The following SYTL3 variants were observed in gnomAD, a reference collection of about 807,000 sequenced individuals.
SYTL3 encodes synaptotagmin-like protein 3.
SYTL3 carries 88 observed loss-of-function variants against 82.1 expected under a neutral mutation model. The ratio of observed to expected loss-of-function variants is 1.07; its 90% confidence interval spans 0.90 to 1.28. SYTL3 has a LOEUF of 1.28. Ranked by LOEUF, SYTL3 falls within the 50% of genes most tolerant of loss-of-function variation. The pLI is 0.00. For synonymous variants in SYTL3, 311 were observed against 289.4 expected (o/e 1.07, Z -0.76); for missense variants, 831 against 757.6 (o/e 1.10, Z -1.14).
intron 11 of SYTL3, among the ~76,000 whole-genome samples, chr6:158,743,296 C>T (rs1787171170): frequency 6.6e-6 from 1 of 152,224 alleles, no homozygotes; most frequent in Non-Finnish European, 1.5e-5. Flanking sequence ...ATGTGCTTCT[C>T]TTCAGCATCT....
At chr6:158,715,663 G>A (rs1356845027) in intron 9 of SYTL3, among the ~76,000 whole-genome samples, 9 of 5,726 alleles carry the variant, frequency 1.6e-3, no homozygotes, top group African/African-American at 5.4e-3. Context: ...CCCACCCCCT[G>A]CCCAGAGGCA....
At chr6:158,727,629 C>A (rs1398036395) in intron 11 of SYTL3, among the ~76,000 whole-genome samples, 1 of 151,780 alleles carries the variant, frequency 6.6e-6, no homozygotes, top group Admixed American at 6.6e-5. Context: ...CCCACCAGGC[C>A]TCGAGGCCAC....
chr6:158,712,461 C>G (rs1782860670), intron 8 of SYTL3, among the ~76,000 whole-genome samples: 1 of 152,176 alleles, frequency 6.6e-6, no homozygotes, highest in African/African-American at 2.4e-5. Flanking sequence ...CCTTGTCAAC[C>G]TGTACCCATA....
At chr6:158,737,207 G>A (rs1486165711) in intron 11 of SYTL3, among the ~76,000 whole-genome samples, 1 of 152,166 alleles carries the variant, frequency 6.6e-6, no homozygotes, top group Non-Finnish European at 1.5e-5. Flanking sequence ...ATGACCCTAT[G>A]AAATAGATCC....
chr6:158,715,616 C>CACACACACACACACACACAT (rs1491486346), intron 9 of SYTL3, among the ~76,000 whole-genome samples: 1 of 142,840 alleles, frequency 7.0e-6, no homozygotes, highest in African/African-American at 2.6e-5. Flanking sequence ...CACACACACA[C>CACACACACACACACACACAT]GCACGCACCC....
intron 15 of SYTL3, among the ~76,000 whole-genome samples, chr6:158,761,284 TG>T (rs1437823614): frequency 6.9e-6 from 1 of 145,124 alleles, no homozygotes; most frequent in African/African-American, 2.6e-5. Context: ...GAAGGAGGAC[TG>T]GGAGAATGCA....
At chr6:158,663,535 A>G (rs370314077) in intron 4 of SYTL3, 157 bp downstream of exon 4, 1 of 985,244 alleles carries the variant, frequency 1.0e-6, no homozygotes, top group East Asian at 1.1e-4. Flanking sequence ...GTTGGTGGAG[A>G]TGATCCTCCT....
At chr6:158,687,726 T>A (rs931564470) in intron 6 of SYTL3, among the ~76,000 whole-genome samples, 14 of 141,662 alleles carry the variant, frequency 9.9e-5, no homozygotes, top group Non-Finnish European at 1.8e-4. Context: ...TCATTCTCAC[T>A]TCCAACGTAG....
At chr6:158,687,512 C>G (rs74410528) in intron 6 of SYTL3, among the ~76,000 whole-genome samples, 4,790 of 152,292 alleles carry the variant, frequency 0.031, 279 homozygotes, top group African/African-American at 0.11. Context: ...TATCAGGAAG[C>G]AAGAATCACT....
rs185124879 is a variant in SYTL3, at chr6:158,700,852, A to G, written c.395-6378A>G. ...AGGATGGTCTCGATCTCCTGACCTCATGATCTGCCCTCCTTGGCCTCCCAA... is the reference window on the plus strand; with the variant it reads ...AGGATGGTCTCGATCTCCTGACCTCGTGATCTGCCCTCCTTGGCCTCCCAA... On this transcript the variant is annotated intron_variant, in intron 6 of 17. Transcript: ENST00000611299. 7.3e-3 allele frequency among the ~76,000 whole-genome samples: 1,104 copies of G among 151,926 alleles called. 6 individuals are homozygous for G. Among genetic ancestry groups the G allele is most frequent in the South Asian group, 0.014 (65 of 4,812 alleles).
chr6:158,708,156 C>T (rs1347177424), intron 7 of SYTL3, among the ~76,000 whole-genome samples, 166 bp from the exon 8 acceptor site: 1 of 152,096 alleles, frequency 6.6e-6, no homozygotes, highest in Non-Finnish European at 1.5e-5. Context: ...CCTCGTAGAG[C>T]AGCAGGTCCA....
chr6:158,733,161 A>G (rs1029108930), intron 11 of SYTL3, among the ~76,000 whole-genome samples: 68 of 152,230 alleles, frequency 4.5e-4, no homozygotes, highest in African/African-American at 1.5e-3. Flanking sequence ...AGAAATAAGT[A>G]CGTTCTGTGT....
intron 5 of SYTL3, among the ~76,000 whole-genome samples, chr6:158,670,392 A>C (rs59780326): frequency 0.031 from 4,695 of 152,328 alleles, 265 homozygotes; most frequent in African/African-American, 0.11. Flanking sequence ...TTGGCAAGGA[A>C]AGATTTTAGC....
intron 9 of SYTL3, among the ~76,000 whole-genome samples, chr6:158,714,397 TA>T (rs1219441218): frequency 1.3e-5 from 2 of 151,970 alleles, no homozygotes; most frequent in Non-Finnish European, 2.9e-5. Context: ...TCAGGGAATC[TA>T]AAACCAGAAC....
intron 13 of SYTL3, among the ~76,000 whole-genome samples, chr6:158,755,673 G>C (rs1466166749): frequency 6.6e-6 from 1 of 152,206 alleles, no homozygotes; most frequent in Admixed American, 6.5e-5. Context: ...CTCGTTCCTC[G>C]ATTGGAAAGA....
intron 2 of SYTL3, among the ~76,000 whole-genome samples, chr6:158,656,216 C>A (rs566597125): frequency 6.6e-6 from 1 of 152,322 alleles, no homozygotes; most frequent in South Asian, 2.1e-4. Flanking sequence ...TCACACAACT[C>A]CCCTCTTCTC....
rs183133895 is a variant in SYTL3, at chr6:158,682,410, A to C, written c.330-515A>C. 8.3e-3 allele frequency among the ~76,000 whole-genome samples: 995 copies of C among 119,474 alleles called. 7 individuals are homozygous for C. The highest frequency in any genetic ancestry group is 0.032 in the African/African-American group (924 of 29,088). 78.4% of individuals were successfully genotyped at this position (119,474 alleles called of 152,430 possible). A position where few individuals can be genotyped will look rare whatever the true frequency, so the allele number is the denominator to read the frequency against. On this transcript the variant is annotated intron_variant, in intron 5 of 17. Transcript: ENST00000611299. ...AGTCTGGCTCTGCCGCCCAGGCTGG[A>C]GTGCAGTGGCGAAATCTCAGCTCAC...
chr6:158,762,371 C>G (rs953571586), intron 16 of SYTL3, among the ~76,000 whole-genome samples, 193 bp downstream of exon 16: 1 of 152,048 alleles, frequency 6.6e-6, no homozygotes, highest in African/African-American at 2.4e-5. Flanking sequence ...TGCTGGAGTA[C>G]TCGAAACCCT....
chr6:158,699,063 C>T (rs939810493), intron 6 of SYTL3, among the ~76,000 whole-genome samples: 1 of 152,196 alleles, frequency 6.6e-6, no homozygotes, highest in Non-Finnish European at 1.5e-5. Context: ...ACCTTCTGCA[C>T]ACAGGGCTGC....
Sources: allele counts gnomAD v4.1 joint callset (sites outside exome capture counted in the v4.1 genomes callset), GRCh38; gene constraint gnomAD v4.1.1; transcripts MANE v1.5; gene names NCBI Gene and HGNC (gene_info 2026-07-23, HGNC 2026-07-21).